AMPH: variants seen among roughly 807,000 people sequenced by gnomAD.
AMPH encodes the protein amphiphysin (Stiff-Mann syndrome with breast cancer 128kD autoantigen).
A neutral mutation model predicts 99.1 loss-of-function variants in AMPH; 49 were observed. That is an observed-to-expected ratio of 0.49 (90% CI 0.39 to 0.63). The LOEUF (loss-of-function observed/expected upper bound fraction) is 0.63. AMPH is among the 20% of genes least tolerant of loss of function. The probability of loss-of-function intolerance (pLI) is 0.00; values close to 1 mark genes in which losing one functional copy is unlikely to be tolerated. For missense variants in AMPH, 759 were observed against 863.4 expected (o/e 0.88, Z 1.52); for synonymous variants, 314 against 317.3 (o/e 0.99, Z 0.11).
chr7:38,503,629 T>TA, intron 3 of AMPH, 21 bp downstream of exon 3: 1 of 1,611,918 alleles, frequency 6.2e-7, no homozygotes. Context: ...TAACATGCAG[T>TA]AAACAACTCA....
At chr7:38,497,449 C>T (rs1255641262) in intron 3 of AMPH, among the ~76,000 whole-genome samples, 1 of 152,134 alleles carries the variant, frequency 6.6e-6, no homozygotes, top group Non-Finnish European at 1.5e-5. Flanking sequence ...AAATTTTGGA[C>T]CTTCTCCAAG....
chr7:38,583,484 T>C (rs1792540378), intron 1 of AMPH, among the ~76,000 whole-genome samples: 1 of 152,194 alleles, frequency 6.6e-6, no homozygotes, highest in Non-Finnish European at 1.5e-5. Context: ...AAAACACTTG[T>C]TCAAAGCAAG....
intron 17 of AMPH, among the ~76,000 whole-genome samples, chr7:38,404,611 C>G (rs182992059): frequency 6.6e-6 from 1 of 151,986 alleles, no homozygotes; most frequent in Non-Finnish European, 1.5e-5. Context: ...GCCATATCCT[C>G]AAGGGAAAAA....
At chr7:38,619,863 A>G (rs1291968799) in intron 1 of AMPH, among the ~76,000 whole-genome samples, 1 of 152,214 alleles carries the variant, frequency 6.6e-6, no homozygotes, top group East Asian at 1.9e-4. Context: ...ATTTTCCTAG[A>G]GACTCTCAGA....
intron 11 of AMPH, among the ~76,000 whole-genome samples, chr7:38,446,262 A>C (rs1202298767): frequency 1.1e-4 from 17 of 152,258 alleles, no homozygotes; most frequent in Non-Finnish European, 1.8e-4. Context: ...CAATTTTTTA[A>C]AAAATTAAAT....
intron 11 of AMPH, among the ~76,000 whole-genome samples, chr7:38,437,869 G>A (rs1053920857): frequency 5.9e-5 from 9 of 151,950 alleles, no homozygotes; most frequent in Non-Finnish European, 1.2e-4. Flanking sequence ...ACTTTCCTTA[G>A]CATATCCGTA....
intron 20 of AMPH, among the ~76,000 whole-genome samples, chr7:38,388,465 G>A (rs1784404493): frequency 6.6e-6 from 1 of 151,264 alleles, no homozygotes; most frequent in Admixed American, 6.6e-5. Flanking sequence ...ATTCATTTGT[G>A]AATTTATTTT....
chr7:38,470,652 C>T (rs910093192), intron 7 of AMPH, among the ~76,000 whole-genome samples: 10 of 151,962 alleles, frequency 6.6e-5, no homozygotes, highest in Admixed American at 2.6e-4. Flanking sequence ...TTGATCTATC[C>T]GACCATCTAA....
At chr7:38,525,310 A>AGAGAGAGAGG (rs1790138584) in intron 2 of AMPH, among the ~76,000 whole-genome samples, 1 of 132,164 alleles carries the variant, frequency 7.6e-6, no homozygotes, top group Non-Finnish European at 1.6e-5. Context: ...AGAGAGAGAG[A>AGAGAGAGAGG]GAGGGAGCCT....
intron 17 of AMPH, among the ~76,000 whole-genome samples, chr7:38,406,762 C>CTG: frequency 7.0e-6 from 1 of 143,206 alleles, no homozygotes; most frequent in African/African-American, 2.8e-5. Flanking sequence ...CTCTCTCTCT[C>CTG]TCTCTCTCTC....
intron 16 of AMPH, chr7:38,420,829 A>G: frequency 2.5e-6 from 1 of 393,586 alleles, no homozygotes. Flanking sequence ...AAAAGGGTTT[A>G]AACCTGTACT....
intron 1 of AMPH, among the ~76,000 whole-genome samples, chr7:38,575,208 G>T (rs1584264102): frequency 1.3e-5 from 2 of 152,162 alleles, no homozygotes; most frequent in East Asian, 3.9e-4. Context: ...ATTGGGCACT[G>T]GGGATATAGT....
chr7:38,626,292 C>T (rs1277522717), intron 1 of AMPH, among the ~76,000 whole-genome samples: 4 of 152,134 alleles, frequency 2.6e-5, no homozygotes, highest in Admixed American at 2.0e-4. Flanking sequence ...CCACTTCAAA[C>T]TATACTACAA....
At chr7:38,519,566 T>C (rs1221474819) in intron 2 of AMPH, among the ~76,000 whole-genome samples, 1 of 152,138 alleles carries the variant, frequency 6.6e-6, no homozygotes, top group Non-Finnish European at 1.5e-5. Flanking sequence ...AGAAAAACAT[T>C]CTTAGGCATA....
chr7:38,478,203 G>A (rs994938184), intron 5 of AMPH, among the ~76,000 whole-genome samples: 49 of 152,224 alleles, frequency 3.2e-4, no homozygotes, highest in African/African-American at 1.1e-3. Flanking sequence ...CCCTTCTGCA[G>A]AGGGGTCTCT....
chr7:38,577,977 G>T (rs1357891615), intron 1 of AMPH, among the ~76,000 whole-genome samples: 3 of 152,202 alleles, frequency 2.0e-5, no homozygotes, highest in East Asian at 3.8e-4. Context: ...AAACACGATA[G>T]CTGCGTCACC....
intron 1 of AMPH, among the ~76,000 whole-genome samples, chr7:38,571,592 T>A (rs1417793821): frequency 6.9e-6 from 1 of 145,508 alleles, no homozygotes; most frequent in Admixed American, 7.1e-5. Context: ...AGAAAAAAGC[T>A]TATAGAATAA....
rs992946223 is a variant in AMPH at position 38,390,042 on chromosome 7, C to T, written c.1879-137G>A. The T allele has an allele frequency of 4.2e-5, 28 of 664,426 alleles. No individual in the cohort carries two copies. The South Asian group carries it at 4.8e-4, about 11-fold the overall frequency. 41.2% of individuals were successfully genotyped at this position (664,426 alleles called of 1,614,324 possible). On this transcript the variant is annotated intron_variant, in intron 19 of 20. Coordinates refer to ENST00000356264, the MANE Select transcript of AMPH (RefSeq NM_001635.4). ...CAAGGAGGAAGAAGGCCTCTAAAGC[C>T]AGAAGGGAAGTCCTATTCTCTGATA... is the stretch of plus-strand genomic sequence containing the variant.
At chr7:38,591,645 G>A (rs1792860474) in intron 1 of AMPH, among the ~76,000 whole-genome samples, 1 of 152,054 alleles carries the variant, frequency 6.6e-6, no homozygotes, top group East Asian at 1.9e-4. Flanking sequence ...CCCAAAAGTG[G>A]AACGATTCTG....
Sources: allele counts gnomAD v4.1 joint callset (sites outside exome capture counted in the v4.1 genomes callset), GRCh38; gene constraint gnomAD v4.1.1; transcripts MANE v1.5; gene names NCBI Gene and HGNC (gene_info 2026-07-23, HGNC 2026-07-21).